MCM10: variants seen among roughly 807,000 people sequenced by gnomAD.
MCM10 encodes minichromosome maintenance 10 replication initiation factor.
MCM10 carries 91 observed loss-of-function variants against 109.9 expected under a neutral mutation model. The ratio of observed to expected loss-of-function variants is 0.83; its 90% CI spans 0.70 to 0.99. MCM10 has a LOEUF of 0.99. Among genes scored for constraint, MCM10 ranks in the 50% least tolerant of loss-of-function variants. The pLI, the probability that MCM10 is intolerant of heterozygous loss-of-function variation, is 0.00. For synonymous variants in MCM10, 380 were observed against 387.2 expected (o/e 0.98, Z 0.22); for missense variants, 1,077 against 1,061.2 (o/e 1.01, Z -0.21).
intron 18 of MCM10, among the ~76,000 whole-genome samples, chr10:13,205,672 C>T (rs1023487927): frequency 4.6e-5 from 7 of 152,162 alleles, no homozygotes; most frequent in East Asian, 1.9e-4. Flanking sequence ...ACCACATCCA[C>T]GCCAGCATCT....
intron 9 of MCM10, 146 bp downstream of exon 9, chr10:13,186,426 T>C (rs959707906): frequency 3.6e-6 from 2 of 553,288 alleles, no homozygotes; most frequent in Non-Finnish European, 6.5e-6. Flanking sequence ...AATGTGTGGT[T>C]AATAACTGCC....
At chr10:13,180,714 AG>A in intron 7 of MCM10, 107 bp downstream of exon 7, 1 of 1,278,912 alleles carries the variant, frequency 7.8e-7, no homozygotes, top group Non-Finnish European at 1.1e-6. Context: ...TTTAGAAATA[AG>A]TATAGTAAGT....
At chr10:13,171,292 C>G in intron 3 of MCM10, 29 bp downstream of exon 3, 1 of 1,554,300 alleles carries the variant, frequency 6.4e-7, no homozygotes, top group Non-Finnish European at 8.7e-7. Flanking sequence ...TTCCTTATTT[C>G]TTTCGGATAA....
chr10:13,172,013 G>C lies in MCM10; in HGVS notation c.350-363G>C, dbSNP rs1834080465. 6.6e-6 allele frequency among the ~76,000 whole-genome samples: 1 copy of C among 151,724 alleles called. No homozygotes were observed. The highest frequency in any genetic ancestry group is 6.6e-5 in the Admixed American group (1 of 15,206). ...TGGTCTCGAACTGCTGGGCTCTTGC[G>C]TCCTCCTGCCTCAGCCTCCCAAAAT... is the stretch of plus-strand genomic sequence containing the variant. On this transcript the variant is annotated intron_variant, in intron 3 of 19. Coordinates refer to ENST00000378714, the MANE Select transcript of MCM10 (RefSeq NM_018518.5). This position sits in a 1 kb window ranked among gnomAD's most constrained non-coding sequence, Gnocchi z 5.2.
At chr10:13,199,171 CA>C (rs1479533314) in intron 16 of MCM10, among the ~76,000 whole-genome samples, 2 of 152,240 alleles carry the variant, frequency 1.3e-5, no homozygotes, top group Non-Finnish European at 2.9e-5. Flanking sequence ...GCTGGGATTA[CA>C]GGCGTGAGCC....
intron 18 of MCM10, among the ~76,000 whole-genome samples, chr10:13,206,798 C>CTT (rs5783314): frequency 0.054 from 7,830 of 144,496 alleles, 312 homozygotes; most frequent in Non-Finnish European, 0.084. Context: ...TTGTCAGTTG[C>CTT]TTTTTTTTTT....
chr10:13,195,187 T>G lies in MCM10; in HGVS notation c.1892T>G (p.Val631Gly). 6.2e-7 allele frequency: 1 copy of G among 1,613,812 alleles called. No homozygotes were observed. The highest frequency in any genetic ancestry group is 8.5e-7 in the Non-Finnish European group (1 of 1,179,922). Residue 631 changes from valine to glycine, a missense_variant, in exon 14 of 20, where the codon GTC becomes GGC. Val to Gly is a moderately radical substitution (Grantham distance 109). Transcript: ENST00000378714. ...ATMTPKLGRGVLEGDDVLFYD... is the reference protein window; with the variant it reads ...ATMTPKLGRGGLEGDDVLFYD... ...ATGACGCCCAAGCTGGGGCGAGGTG[T>G]CTTGGAAGGAGATGATGTTCTCTTT...
chr10:13,195,792 A>G (rs943592321), intron 14 of MCM10, among the ~76,000 whole-genome samples: 11 of 151,526 alleles, frequency 7.3e-5, no homozygotes, highest in Admixed American at 4.6e-4. Context: ...TAGTAGAGAC[A>G]TGGTTTCACC....
chr10:13,188,878 C>T lies in MCM10; in HGVS notation c.1216-3C>T. 1 of 1,613,854 alleles carries T rather than the reference C, an allele frequency of 6.2e-7. No homozygotes were observed. The highest frequency in any genetic ancestry group is 1.1e-5 in the South Asian group (1 of 91,076). ...CCTGATGCCACTGCTCTGCCTTTTG[C>T]AGCGTGACTGTGAGTACTGTCAGTA... On this transcript the variant is annotated splice_polypyrimidine_tract_variant and splice_region_variant and intron_variant, in intron 9 of 19. Coordinates refer to ENST00000378714, the MANE Select transcript of MCM10 (RefSeq NM_018518.5).
chr10:13,174,569 C>A (rs1834116180), intron 5 of MCM10, among the ~76,000 whole-genome samples: 1 of 152,066 alleles, frequency 6.6e-6, no homozygotes, highest in Non-Finnish European at 1.5e-5. Context: ...GTGGAACTAT[C>A]TAGTACAGTA....
At chr10:13,184,529 C>G (rs751822951) in intron 8 of MCM10, among the ~76,000 whole-genome samples, 31 of 152,178 alleles carry the variant, frequency 2.0e-4, no homozygotes, top group Admixed American at 6.6e-5. Flanking sequence ...TGGAGCTTTA[C>G]TCTGTTGTAG....
At chr10:13,202,384 A>G (rs1813486196) in intron 17 of MCM10, among the ~76,000 whole-genome samples, 1 of 152,146 alleles carries the variant, frequency 6.6e-6, no homozygotes, top group South Asian at 2.1e-4. Flanking sequence ...GAAAGAAGAA[A>G]GCTCTTGCTG....
intron 13 of MCM10, among the ~76,000 whole-genome samples, chr10:13,194,230 G>T (rs1834386069): frequency 6.6e-6 from 1 of 152,136 alleles, no homozygotes; most frequent in Admixed American, 6.6e-5. Flanking sequence ...TGGGCATGGT[G>T]GTGCACACTG....
chr10:13,195,800 A>G lies in MCM10; in HGVS notation c.1974+531A>G, dbSNP rs185152391. 3.5e-3 allele frequency among the ~76,000 whole-genome samples: 535 copies of G among 151,612 alleles called. 2 individuals carry two copies. The highest frequency in any genetic ancestry group is 0.012 in the African/African-American group (506 of 41,266). On this transcript the variant is annotated intron_variant, in intron 14 of 19. Transcript: ENST00000378714. ...TAATTTTTAGTAGAGACATGGTTTC[A>G]CCATGTTGGCCAGGCTGGTCTCGAA...
At chr10:13,173,197 C>T (rs569484674) in intron 5 of MCM10, among the ~76,000 whole-genome samples, 2 of 152,188 alleles carry the variant, frequency 1.3e-5, no homozygotes, top group African/African-American at 4.8e-5. Flanking sequence ...AAGACCCTGT[C>T]TGAGAAAAGG....
intron 17 of MCM10, 107 bp downstream of exon 17, chr10:13,201,641 G>A (rs1564393520): frequency 1.2e-6 from 1 of 808,602 alleles, no homozygotes; most frequent in Non-Finnish European, 2.0e-6. Flanking sequence ...CTCGTGATGT[G>A]TCAGTTAATT....
At chr10:13,165,951 C>T (rs1298399687) in intron 2 of MCM10, among the ~76,000 whole-genome samples, 2 of 150,918 alleles carry the variant, frequency 1.3e-5, no homozygotes, top group African/African-American at 2.4e-5. Flanking sequence ...CATGGGTTCA[C>T]AATTTGGCCG....
intron 5 of MCM10, 63 bp from the exon 6 acceptor site, chr10:13,175,447 T>C (rs926259506): frequency 3.8e-5 from 54 of 1,435,358 alleles, no homozygotes; most frequent in Non-Finnish European, 5.1e-5. Context: ...AAAAACAAAT[T>C]TCCAAATTCC....
intron 13 of MCM10, 33 bp from the exon 14 acceptor site, chr10:13,195,008 T>C: frequency 6.3e-7 from 1 of 1,587,484 alleles, no homozygotes; most frequent in Non-Finnish European, 8.6e-7. Flanking sequence ...TCGTAAACCC[T>C]GTTTGCGTAT....
Sources: gnomAD v4.1 joint callset for allele counts (sites outside exome capture counted in the v4.1 genomes callset) on GRCh38, gnomAD v4.1.1 for gene constraint, Gnocchi (gnomAD v3.1) non-coding constraint, MANE v1.5 for transcripts, NCBI Gene and HGNC (gene_info 2026-07-23, HGNC 2026-07-21) for gene names.